WSB1: variants seen among roughly 807,000 people sequenced by gnomAD.
The protein encoded by WSB1 is WD repeat and SOCS box-containing protein 1.
In WSB1, 23 loss-of-function variants were observed where a neutral mutation model predicts 50.2. That is an observed-to-expected ratio of 0.46 (90% CI 0.33 to 0.65). The LOEUF is 0.65. Ranked by LOEUF, WSB1 falls within the 30% of genes least tolerant of loss-of-function variation. The pLI is 0.02. For synonymous variants in WSB1, 179 were observed against 172.0 expected (o/e 1.04, Z -0.32); for missense variants, 492 against 522.3 (o/e 0.94, Z 0.56).
At chr17:27,308,951 G>C in intron 5 of WSB1, 149 bp from the exon 6 acceptor site, 1 of 1,282,932 alleles carries the variant, frequency 7.8e-7, no homozygotes, top group Non-Finnish European at 9.9e-7. Flanking sequence ...ATTTTAATCT[G>C]ACTATGACAC....
intron 5 of WSB1, chr17:27,308,374 G>A (rs2017540998): frequency 1.0e-6 from 1 of 985,170 alleles, no homozygotes; most frequent in African/African-American, 1.7e-5. Flanking sequence ...AATTGTATAT[G>A]AACTTATTCT....
rs1240328521 is a variant in WSB1 at position 27,310,639 on chromosome 17, A to G, written c.998+465A>G. On this transcript the variant is annotated intron_variant, in intron 7 of 8. Transcript: ENST00000262394. The stretch of plus-strand genomic sequence containing the variant: ...GTTGCAACCATCTGTGTTCATGCAT[A>G]TAGCATTGAGTAGTTCGGTGACGTC... 2.0e-5 allele frequency among the ~76,000 whole-genome samples: 3 copies of G among 152,254 alleles called. No homozygotes were observed. The South Asian group carries it at 6.2e-4, about 31-fold the overall frequency.
At chr17:27,299,610 C>G (rs2017140830) in intron 1 of WSB1, among the ~76,000 whole-genome samples, 2 of 152,116 alleles carry the variant, frequency 1.3e-5, no homozygotes, top group South Asian at 4.1e-4. Context: ...TTAAACCACA[C>G]CTGAAGTATT....
intron 1 of WSB1, among the ~76,000 whole-genome samples, chr17:27,299,386 C>T (rs181443841): frequency 1.3e-5 from 2 of 152,168 alleles, no homozygotes; most frequent in African/African-American, 2.4e-5. Flanking sequence ...TGGTGCATGT[C>T]TGTGGTCCCA....
chr17:27,304,739 T>C lies in WSB1; in HGVS notation c.479-41T>C, dbSNP rs1160209352. 2.5e-6 allele frequency: 4 copies of C among 1,594,040 alleles called. No homozygotes were observed. In the African/African-American group the frequency reaches 4.1e-5, roughly 16 times the overall value. On this transcript the variant is annotated intron_variant, in intron 3 of 8. Coordinates refer to ENST00000262394, the MANE Select transcript of WSB1 (RefSeq NM_015626.10). ...GAAAAATAAGAACAAAACAAAAATA[T>C]ATTAATACTGTCTTTTTTTTCCCTT...
chr17:27,294,322 C>A lies in WSB1; in HGVS notation c.-74C>A. ...GGGAGGGACCAACTTGGCGTCACGC[C>A]CCTCAGCGGTCGCCACTCTCTTCTC... On this transcript the variant is annotated 5_prime_UTR_variant, in exon 1 of 9. Coordinates refer to ENST00000262394, the MANE Select transcript of WSB1 (RefSeq NM_015626.10). The A allele has an allele frequency of 6.3e-7, 1 of 1,583,080 alleles. No individual in the cohort carries two copies. Among genetic ancestry groups the A allele is most frequent in the South Asian group, 1.1e-5 (1 of 88,694 alleles).
intron 4 of WSB1, among the ~76,000 whole-genome samples, chr17:27,306,200 G>GTTT (rs1228401365): frequency 1.3e-4 from 13 of 98,172 alleles, no homozygotes; most frequent in Non-Finnish European, 1.7e-4. Flanking sequence ...AAAGAATTCT[G>GTTT]TCTTTTTTTT....
Position 27,313,596 on chromosome 17 carries a change from TGA to T in WSB1, c.*1229_*1230del, listed in dbSNP as rs2017772334. 1 of 152,012 alleles carries T rather than the reference TGA, an allele frequency of 6.6e-6. No individual in the cohort carries two copies. Among genetic ancestry groups the T allele is most frequent in the African/African-American group, 2.4e-5 (1 of 40,998 alleles). 9.4% of individuals were successfully genotyped at this position (152,012 alleles called of 1,614,324 possible). A position where few individuals can be genotyped will look rare whatever the true frequency, so the allele number is the denominator to read the frequency against. On this transcript the variant is annotated 3_prime_UTR_variant, in exon 9 of 9. Transcript: ENST00000262394. ...AAAATGCTCAATTATATATTTTTGT[TGA>T]GTTTTTTAATTAAAGACTTGTAAAA... is the stretch of plus-strand genomic sequence containing the variant.
chr17:27,307,028 C>A, intron 5 of WSB1, 146 bp downstream of exon 5: 1 of 730,390 alleles, frequency 1.4e-6, no homozygotes, highest in Non-Finnish European at 2.2e-6. Flanking sequence ...GGAGAATTTG[C>A]ATGAAGGAAA....
intron 2 of WSB1, among the ~76,000 whole-genome samples, chr17:27,302,267 T>A (rs750275233): frequency 6.6e-6 from 1 of 151,986 alleles, no homozygotes; most frequent in Non-Finnish European, 1.5e-5. Context: ...AAGAACTAGC[T>A]GGGCGTGGTG....
chr17:27,302,125 T>C (rs1343176096), intron 2 of WSB1, 169 bp downstream of exon 2: 3 of 944,824 alleles, frequency 3.2e-6, no homozygotes, highest in Admixed American at 7.2e-5. Context: ...TAAAGAATTC[T>C]TTGGGCCGGG....
intron 4 of WSB1, among the ~76,000 whole-genome samples, chr17:27,306,202 CTTTTTTT>C (rs907711059): frequency 1.6e-5 from 1 of 63,148 alleles, no homozygotes; most frequent in African/African-American, 6.2e-5. Flanking sequence ...AGAATTCTGT[CTTTTTTT>C]TTTTTTTTTT....
At chr17:27,301,029 G>A (rs375381394) in intron 1 of WSB1, among the ~76,000 whole-genome samples, 2 of 151,892 alleles carry the variant, frequency 1.3e-5, no homozygotes, top group South Asian at 2.1e-4. Flanking sequence ...CCACCACCAC[G>A]CCCAGCTAAT....
chr17:27,303,493 T>C lies in WSB1; in HGVS notation c.336T>C (p.Ser112=). The change falls in exon 3 of 9, where the codon AGT becomes AGC. Residue 112 remains serine (S), a synonymous_variant. Coordinates refer to ENST00000262394, the MANE Select transcript of WSB1 (RefSeq NM_015626.10). ...HIIDCGDIVW[S]LAFGSSVPEK... is the part of the protein sequence containing the mutation. ...TAGACTGTGGAGATATAGTCTGGAGTCTTGCTTTTGGGTCATCAGTTCCAG... is the reference window on the plus strand; with the variant it reads ...TAGACTGTGGAGATATAGTCTGGAGCCTTGCTTTTGGGTCATCAGTTCCAG... The C allele has an allele frequency of 6.2e-7, 1 of 1,613,872 alleles. No individual in the cohort carries two copies. The highest frequency in any genetic ancestry group is 1.1e-5 in the South Asian group (1 of 91,062).
Position 27,303,488 on chromosome 17 carries a change from T to G in WSB1, c.331T>G (p.Trp111Gly). 1.2e-6 allele frequency: 2 copies of G among 1,614,174 alleles called. No individual in the cohort carries two copies. The highest frequency in any genetic ancestry group is 1.7e-6 in the Non-Finnish European group (2 of 1,180,032). The change falls in exon 3 of 9, where the codon TGG (tryptophan) becomes GGG (glycine). Residue 111 changes from tryptophan (W) to glycine (G), a missense_variant. By Grantham distance (184) the Trp-to-Gly change is radical. Coordinates refer to ENST00000262394, the MANE Select transcript of WSB1 (RefSeq NM_015626.10). ...EHIIDCGDIV[W>G]SLAFGSSVPE... Reference sequence around the variant, plus strand: ...TATTATAGACTGTGGAGATATAGTCTGGAGTCTTGCTTTTGGGTCATCAGT... The same window carrying G: ...TATTATAGACTGTGGAGATATAGTCGGGAGTCTTGCTTTTGGGTCATCAGT...
chr17:27,312,157 A>G, intron 8 of WSB1, 53 bp from the exon 9 acceptor site: 1 of 1,558,132 alleles, frequency 6.4e-7, no homozygotes, highest in Non-Finnish European at 8.7e-7. Flanking sequence ...AGCTGTAGCA[A>G]CACTGAAATA....
Position 27,303,348 on chromosome 17 carries a change from C to G in WSB1, c.210-19C>G. On this transcript the variant is annotated intron_variant, in intron 2 of 8. Coordinates refer to ENST00000262394, the MANE Select transcript of WSB1 (RefSeq NM_015626.10). ...GAGTGAATAATAATACAATTTCCAT[C>G]TGACTTCCCCCACTCCAGTCTCTTG... The G allele has an allele frequency of 6.2e-7, 1 of 1,610,020 alleles. No individual in the cohort carries two copies. Among genetic ancestry groups the G allele is most frequent in the Non-Finnish European group, 8.5e-7 (1 of 1,177,774 alleles).
chr17:27,300,516 G>A (rs1481726793), intron 1 of WSB1, among the ~76,000 whole-genome samples: 1 of 152,050 alleles, frequency 6.6e-6, no homozygotes, highest in Non-Finnish European at 1.5e-5. Context: ...CTGGTAATAT[G>A]CCAATTTTTG....
intron 4 of WSB1, among the ~76,000 whole-genome samples, chr17:27,305,248 C>CT (rs759494240): frequency 6.6e-6 from 1 of 152,176 alleles, no homozygotes; most frequent in Admixed American, 6.5e-5. Context: ...GGGTTATTAA[C>CT]TTACTGTATT....
Sources: gnomAD v4.1 joint callset for allele counts (sites outside exome capture counted in the v4.1 genomes callset) on GRCh38, gnomAD v4.1.1 for gene constraint, MANE v1.5 for transcripts, NCBI Gene and HGNC (gene_info 2026-07-23, HGNC 2026-07-21) for gene names.